TMC3: variants seen among roughly 807,000 people sequenced by gnomAD.
The protein encoded by TMC3 is transmembrane channel-like protein 3.
In TMC3, 98 loss-of-function variants were observed where a neutral mutation model predicts 110.6. The observed-to-expected ratio is 0.89, with a 90% CI of 0.75 to 1.05. The LOEUF (loss-of-function observed/expected upper bound fraction) is 1.05, where lower values mean the gene tolerates loss of function less well. TMC3 is among the 50% of genes least tolerant of loss of function. The probability of loss-of-function intolerance (pLI) is 0.00; values close to 1 mark genes in which losing one functional copy is unlikely to be tolerated. For missense variants in TMC3, 1,319 were observed against 1,373.2 expected, an observed-to-expected ratio of 0.96 and a Z score of 0.62; for synonymous variants, 489 against 513.1, an observed-to-expected ratio of 0.95 and a Z score of 0.63.
At position 81,341,512 on chromosome 15, in the gene TMC3, C is replaced by T; in HGVS notation, c.1722G>A (p.Gly574=). 6.2e-7 allele frequency: 1 copy of T among 1,609,616 alleles called. No homozygotes were observed. The highest frequency in any genetic ancestry group is 1.7e-4 in the Middle Eastern group (1 of 6,058). ...CTGGGAGACATGGGGAGAAGAAGGC[C>T]CCCATCCTGGAACCATGAGGAAGGT... ...LVYNQGMIWM[G]AFFSPCLPAF... is the part of the protein sequence containing the mutation. Residue 574 remains glycine (G), a synonymous_variant, in exon 16 of 22, where the codon GGG becomes GGA. Transcript: ENST00000359440.
Position 81,336,593 on chromosome 15 carries a change from A to G in TMC3, c.2203+16T>C. The G allele has an allele frequency of 1.2e-6, 2 of 1,613,482 alleles. No homozygotes were observed. The highest frequency in any genetic ancestry group is 1.7e-6 in the Non-Finnish European group (2 of 1,179,678). On this transcript the variant is annotated intron_variant, in intron 20 of 21. Transcript: ENST00000359440. ...AAAACAAAAAAACAACAACAAAAAGAAACGGAAATACTTACCTTCTACCAT... is the reference window on the plus strand; with the variant it reads ...AAAACAAAAAAACAACAACAAAAAGGAACGGAAATACTTACCTTCTACCAT...
At chr15:81,358,586 G>A in intron 5 of TMC3, 86 bp from the exon 6 acceptor site, 1 of 1,074,794 alleles carries the variant, frequency 9.3e-7, no homozygotes, top group Admixed American at 2.6e-5. Flanking sequence ...ATGTGCTTGT[G>A]AAAATGCCAC....
At chr15:81,357,350 C>T (rs543754149) in intron 7 of TMC3, among the ~76,000 whole-genome samples, 2 of 151,898 alleles carry the variant, frequency 1.3e-5, no homozygotes, top group African/African-American at 4.8e-5. Flanking sequence ...TGCTAACATG[C>T]CACAAGGGGG....
chr15:81,354,676 G>T (rs747406207), intron 9 of TMC3, among the ~76,000 whole-genome samples: 8 of 152,126 alleles, frequency 5.3e-5, no homozygotes, highest in Non-Finnish European at 1.2e-4. Context: ...ATGGCCAAGA[G>T]GATTTGAAGG....
At chr15:81,352,568 A>G (rs551111870) in intron 9 of TMC3, among the ~76,000 whole-genome samples, 1 of 152,362 alleles carries the variant, frequency 6.6e-6, no homozygotes, top group African/African-American at 2.4e-5. Flanking sequence ...TATTTTTTAA[A>G]TCATTATTTT....
At chr15:81,363,902 C>G (rs2141421286) in intron 3 of TMC3, among the ~76,000 whole-genome samples, 1 of 152,324 alleles carries the variant, frequency 6.6e-6, no homozygotes, top group Non-Finnish European at 1.5e-5. Flanking sequence ...CATTGAGTCT[C>G]TGGCCCGTTT....
At chr15:81,355,069 C>G (rs566803836) in intron 9 of TMC3, among the ~76,000 whole-genome samples, 1 of 152,264 alleles carries the variant, frequency 6.6e-6, no homozygotes, top group Admixed American at 6.5e-5. Flanking sequence ...CCCCCACTCC[C>G]TAAGCTCCCT....
chr15:81,358,961 T>C lies in TMC3; in HGVS notation c.501+404A>G, dbSNP rs568771269. ...AACTTTGGGCTGGCAAACTGGCTGG[T>C]TGGCCAAATCCAACCCATGGCCTTT... On this transcript the variant is annotated intron_variant, in intron 5 of 21. Transcript: ENST00000359440. 1.4e-4 allele frequency among the ~76,000 whole-genome samples: 21 copies of C among 152,340 alleles called. No individual in the cohort carries two copies. The South Asian group carries it at 3.9e-3, about 29-fold the overall frequency.
intron 11 of TMC3, among the ~76,000 whole-genome samples, chr15:81,346,895 C>T (rs1373034655): frequency 6.6e-6 from 1 of 152,200 alleles, no homozygotes; most frequent in Admixed American, 6.5e-5. Context: ...GTCACCAGCT[C>T]AAGTTCACAC....
Position 81,358,280 on chromosome 15 carries a change from C to T in TMC3, c.612G>A (p.Gln204=). 1 of 1,608,494 alleles carries T rather than the reference C, an allele frequency of 6.2e-7. No individual in the cohort carries two copies. The highest frequency in any genetic ancestry group is 8.5e-7 in the Non-Finnish European group (1 of 1,177,412). The change falls in exon 7 of 22, where the codon CAG becomes CAA. Residue 204 remains glutamine (Q), a synonymous_variant. Coordinates refer to ENST00000359440, the MANE Select transcript of TMC3 (RefSeq NM_001080532.3). ...DTVWSLGGYL[Q]YSVLFYGYYG... ...AATATCCGTAGAAGAGGACAGAGTA[C>T]TGGAGGTAGCCCTGCAAAGAAAACA...
At position 81,339,252 on chromosome 15, in the gene TMC3, G is replaced by A; in HGVS notation, c.1955+142C>T. 6.0e-6 allele frequency: 4 copies of A among 661,484 alleles called. No homozygotes were observed. The South Asian group carries it at 7.4e-5, about 12-fold the overall frequency. 41.0% of individuals were successfully genotyped at this position (661,484 alleles called of 1,614,324 possible). The stretch of plus-strand genomic sequence containing the variant: ...GCCTTCTATTAAGGAAAGAGCCCTG[G>A]TCTTGGATTTAAAACATGCGGGTTT... On this transcript the variant is annotated intron_variant, in intron 17 of 21. Coordinates refer to ENST00000359440, the MANE Select transcript of TMC3 (RefSeq NM_001080532.3).
intron 3 of TMC3, 38 bp downstream of exon 3, chr15:81,368,215 G>T: frequency 6.6e-7 from 1 of 1,523,030 alleles, no homozygotes; most frequent in South Asian, 1.1e-5. Flanking sequence ...TTACAGGTGT[G>T]AGCCACCGCG....
At chr15:81,341,050 T>C (rs1893702908) in intron 16 of TMC3, among the ~76,000 whole-genome samples, 1 of 152,246 alleles carries the variant, frequency 6.6e-6, no homozygotes, top group Non-Finnish European at 1.5e-5. Context: ...CATGCTCTGG[T>C]TGCCATTTGT....
intron 3 of TMC3, among the ~76,000 whole-genome samples, chr15:81,363,284 G>C (rs1894232436): frequency 6.6e-6 from 1 of 151,762 alleles, no homozygotes; most frequent in South Asian, 2.1e-4. Flanking sequence ...ATGTTTTTAA[G>C]ATGCAATTGC....
rs1441716165 is a variant in TMC3 at position 81,373,980 on chromosome 15, C to T, written c.89+9G>A. 1 of 1,612,332 alleles carries T rather than the reference C, an allele frequency of 6.2e-7. No homozygotes were observed. Among genetic ancestry groups the T allele is most frequent in the African/African-American group, 1.3e-5 (1 of 74,898 alleles). Reference sequence around the variant, plus strand: ...TCCTCTGCCCAGCTGATGAATGGGGCCAGCTCACCTGAGCAGCAGAGATTC... The same window carrying T: ...TCCTCTGCCCAGCTGATGAATGGGGTCAGCTCACCTGAGCAGCAGAGATTC... On this transcript the variant is annotated intron_variant, in intron 1 of 21. Transcript: ENST00000359440.
chr15:81,368,981 G>A (rs889841189), intron 2 of TMC3, among the ~76,000 whole-genome samples: 1 of 152,124 alleles, frequency 6.6e-6, no homozygotes, highest in Non-Finnish European at 1.5e-5. Context: ...ATAAATGTTA[G>A]TGCCATGGAC....
intron 19 of TMC3, 111 bp from the exon 20 acceptor site, chr15:81,336,762 C>T: frequency 8.8e-7 from 1 of 1,136,768 alleles, no homozygotes; most frequent in South Asian, 1.3e-5. Flanking sequence ...TTACCTTGGA[C>T]CATAACTGTA....
chr15:81,352,797 T>G (rs140977828), intron 9 of TMC3, among the ~76,000 whole-genome samples: 458 of 152,278 alleles, frequency 3.0e-3, no homozygotes, highest in African/African-American at 9.5e-3. Flanking sequence ...ATGTGTGTGT[T>G]AGTCTTTTGT....
intron 9 of TMC3, among the ~76,000 whole-genome samples, chr15:81,352,051 C>G (rs1186294143): frequency 6.6e-6 from 1 of 152,190 alleles, no homozygotes; most frequent in Non-Finnish European, 1.5e-5. Context: ...ATTCAACCAG[C>G]CTGCATCAGT....
Sources: allele counts gnomAD v4.1 joint callset (sites outside exome capture counted in the v4.1 genomes callset), GRCh38; gene constraint gnomAD v4.1.1; transcripts MANE v1.5; gene names NCBI Gene and HGNC (gene_info 2026-07-23, HGNC 2026-07-21).